The following CACNA2D3 variants were observed in gnomAD, a reference collection of about 807,000 sequenced individuals.
The protein encoded by CACNA2D3 is voltage-dependent calcium channel subunit alpha-2/delta-3.
A neutral mutation model predicts 160.6 loss-of-function variants in CACNA2D3; 60 were observed. That is an observed-to-expected ratio of 0.37 (90% CI 0.30 to 0.46). The LOEUF (loss-of-function observed/expected upper bound fraction) is 0.46. Ranked by LOEUF, CACNA2D3 falls within the 20% of genes least tolerant of loss-of-function variation. The pLI, the probability that CACNA2D3 is intolerant of heterozygous loss-of-function variation, is 1.00. For missense variants in CACNA2D3, 1,205 were observed against 1,365.0 expected (o/e 0.88, Z 1.85); for synonymous variants, 558 against 492.9 (o/e 1.13, Z -1.75).
chr3:54,897,731 C>T (rs1700224548), intron 26 of CACNA2D3, among the ~76,000 whole-genome samples: 1 of 152,182 alleles, frequency 6.6e-6, no homozygotes, highest in Non-Finnish European at 1.5e-5. Context: ...GCCCAATCCC[C>T]CTCCCTAAGG....
rs370844416 is a variant in CACNA2D3 at position 54,710,682 on chromosome 3, A to G, written c.1168-41917A>G. Among the ~76,000 whole-genome samples, 133 of 152,322 alleles carry G rather than the reference A, an allele frequency of 8.7e-4. 1 individual carries two copies. Among genetic ancestry groups the G allele is most frequent in the African/African-American group, 3.2e-3 (131 of 41,564 alleles). On this transcript the variant is annotated intron_variant, in intron 11 of 37. Coordinates refer to ENST00000474759, the MANE Select transcript of CACNA2D3 (RefSeq NM_018398.3). ...TGGTGAACAGCTTGATTTTAATGGA[A>G]GATTTCATTTAGACCAGAGGCTCCA...
intron 11 of CACNA2D3, among the ~76,000 whole-genome samples, chr3:54,660,117 CTCA>C (rs1699940975): frequency 6.6e-6 from 1 of 151,500 alleles, no homozygotes; most frequent in South Asian, 2.1e-4. Context: ...TCATTGGGTC[CTCA>C]TCAGAGAGGA....
chr3:54,218,834 C>T (rs567607087), intron 2 of CACNA2D3, among the ~76,000 whole-genome samples: 56 of 152,144 alleles, frequency 3.7e-4, no homozygotes, highest in African/African-American at 5.3e-4. Flanking sequence ...TCTCTTCCAG[C>T]GGTGGCATTA....
intron 13 of CACNA2D3, among the ~76,000 whole-genome samples, chr3:54,786,131 G>A (rs952494311): frequency 2.0e-5 from 3 of 152,160 alleles, no homozygotes; most frequent in African/African-American, 7.2e-5. Flanking sequence ...CTCTCTCATA[G>A]AACCACTTCT....
At chr3:54,830,554 T>C (rs1169800685) in intron 14 of CACNA2D3, among the ~76,000 whole-genome samples, 1 of 151,590 alleles carries the variant, frequency 6.6e-6, no homozygotes, top group African/African-American at 2.4e-5. Context: ...GCTCAAGCAA[T>C]TCTCCTGCCT....
chr3:54,689,250 G>A (rs957811288), intron 11 of CACNA2D3, among the ~76,000 whole-genome samples: 1 of 151,976 alleles, frequency 6.6e-6, no homozygotes, highest in African/African-American at 2.4e-5. Flanking sequence ...TTCCTCTCAC[G>A]AGCCTCTTCT....
intron 11 of CACNA2D3, among the ~76,000 whole-genome samples, chr3:54,745,676 T>C (rs1288397043): frequency 6.6e-6 from 1 of 152,212 alleles, no homozygotes; most frequent in Non-Finnish European, 1.5e-5. Context: ...TCGTGTTCCA[T>C]TGTACCAACC....
At chr3:54,362,995 G>T (rs572726762) in intron 3 of CACNA2D3, among the ~76,000 whole-genome samples, 15 of 152,320 alleles carry the variant, frequency 9.8e-5, no homozygotes, top group African/African-American at 3.1e-4. Context: ...AGGAGATTGA[G>T]ACCATCCTGG....
At chr3:54,264,906 A>G (rs745959144) in intron 2 of CACNA2D3, among the ~76,000 whole-genome samples, 5 of 152,198 alleles carry the variant, frequency 3.3e-5, no homozygotes, top group Non-Finnish European at 5.9e-5. Context: ...CCTGCAAACA[A>G]CATGAACTCA....
intron 3 of CACNA2D3, among the ~76,000 whole-genome samples, chr3:54,373,583 G>A (rs1420222868): frequency 6.6e-6 from 1 of 152,148 alleles, no homozygotes; most frequent in Non-Finnish European, 1.5e-5. Context: ...TAGGCTGTGT[G>A]GTCCAGGAAA....
chr3:54,389,459 T>C (rs1365525048), intron 4 of CACNA2D3, among the ~76,000 whole-genome samples: 1 of 152,184 alleles, frequency 6.6e-6, no homozygotes, highest in African/African-American at 2.4e-5. Context: ...ACACTTATAG[T>C]CTCAAACTAT....
At chr3:54,255,033 T>C (rs1702267760) in intron 2 of CACNA2D3, among the ~76,000 whole-genome samples, 1 of 152,230 alleles carries the variant, frequency 6.6e-6, no homozygotes, top group African/African-American at 2.4e-5. Context: ...ATTTGGTTGC[T>C]GAGGGGAGAG....
At chr3:54,217,895 T>C (rs1302123657) in intron 2 of CACNA2D3, among the ~76,000 whole-genome samples, 1 of 150,594 alleles carries the variant, frequency 6.6e-6, no homozygotes, top group Non-Finnish European at 1.5e-5. Context: ...AGACAGGTGT[T>C]AGGGAGAGAG....
intron 12 of CACNA2D3, among the ~76,000 whole-genome samples, chr3:54,756,362 T>C (rs1701971161): frequency 6.6e-6 from 1 of 152,216 alleles, no homozygotes; most frequent in Non-Finnish European, 1.5e-5. Context: ...CATATAAACA[T>C]TGGCTTCACG....
At chr3:54,296,144 G>A (rs747738122) in intron 2 of CACNA2D3, among the ~76,000 whole-genome samples, 4 of 152,170 alleles carry the variant, frequency 2.6e-5, no homozygotes, top group Admixed American at 6.5e-5. Context: ...TGGCAAGGCC[G>A]GGATGACATT....
At chr3:54,836,499 G>C (rs762251760) in intron 14 of CACNA2D3, among the ~76,000 whole-genome samples, 1 of 151,934 alleles carries the variant, frequency 6.6e-6, no homozygotes, top group Admixed American at 6.5e-5. Context: ...CTCCCAAAGT[G>C]CTGGGATTAC....
At chr3:54,422,672 G>A (rs1699855983) in intron 4 of CACNA2D3, among the ~76,000 whole-genome samples, 1 of 152,130 alleles carries the variant, frequency 6.6e-6, no homozygotes, top group African/African-American at 2.4e-5. Context: ...TAATGATGAT[G>A]ATGATGATGA....
chr3:54,125,242 T>TACAC (rs59950857), intron 2 of CACNA2D3, among the ~76,000 whole-genome samples: 10,787 of 147,952 alleles, frequency 0.073, 532 homozygotes, highest in East Asian at 0.18. Flanking sequence ...TCTTTGAAGT[T>TACAC]ACACACACAC....
At chr3:54,130,710 G>C (rs1576946064) in intron 2 of CACNA2D3, among the ~76,000 whole-genome samples, 1 of 152,322 alleles carries the variant, frequency 6.6e-6, no homozygotes, top group East Asian at 1.9e-4. Context: ...TCTTGTCTTT[G>C]CGTGATCCTT....
Sources: allele counts gnomAD v4.1 joint callset (sites outside exome capture counted in the v4.1 genomes callset), GRCh38; gene constraint gnomAD v4.1.1; transcripts MANE v1.5; gene names NCBI Gene and HGNC (gene_info 2026-07-23, HGNC 2026-07-21).